Variants in CALN1 observed in about 807,000 individuals in gnomAD.
CALN1 encodes the protein calneuron 1.
Under a neutral mutation model 30.6 loss-of-function variants are expected in CALN1, and 17 were observed. That is an observed-to-expected ratio of 0.56 (90% confidence interval 0.38 to 0.83). The LOEUF (loss-of-function observed/expected upper bound fraction) is 0.83, where lower values mean the gene tolerates loss of function less well. Ranked by LOEUF, CALN1 falls within the 40% of genes least tolerant of loss-of-function variation. The pLI, the probability that CALN1 is intolerant of heterozygous loss-of-function variation, is 0.00. For synonymous variants in CALN1, 156 were observed against 131.4 expected (o/e 1.19, Z -1.28); for missense variants, 291 against 354.9 (o/e 0.82, Z 1.45).
At chr7:71,889,182 C>A (rs1793093567) in intron 5 of CALN1, among the ~76,000 whole-genome samples, 2 of 152,204 alleles carry the variant, frequency 1.3e-5, no homozygotes, top group South Asian at 4.1e-4. Flanking sequence ...ACATTTACTT[C>A]TCACAGCTCT....
chr7:72,503,203 G>C, the CALN1 span, among the ~76,000 whole-genome samples: 1 of 152,238 alleles, frequency 6.6e-6, no homozygotes, highest in Admixed American at 6.5e-5. Context: ...GTTGTTCTGC[G>C]TGTCAAATGG....
At chr7:72,227,013 G>T (rs1296720543) in intron 3 of CALN1, among the ~76,000 whole-genome samples, 1 of 152,070 alleles carries the variant, frequency 6.6e-6, no homozygotes, top group Non-Finnish European at 1.5e-5. Context: ...TCCAGCCTGG[G>T]CCACAGAGCA....
intron 3 of CALN1, among the ~76,000 whole-genome samples, chr7:72,205,551 A>AATATATATATATATATATATATATAT (rs1554319583): frequency 1.7e-4 from 14 of 82,812 alleles, no homozygotes; most frequent in Admixed American, 5.6e-4. Flanking sequence ...GCAAAAAAAA[A>AATATATATATATATATATATATATAT]ATATATATAT....
At chr7:72,119,530 C>G (rs1808232192) in intron 3 of CALN1, among the ~76,000 whole-genome samples, 1 of 150,602 alleles carries the variant, frequency 6.6e-6, no homozygotes, top group Non-Finnish European at 1.5e-5. Context: ...AAAAAAAAAC[C>G]AGAGCTAACC....
At chr7:72,099,952 C>T (rs1450685170) in intron 4 of CALN1, among the ~76,000 whole-genome samples, 1 of 151,886 alleles carries the variant, frequency 6.6e-6, no homozygotes, top group Non-Finnish European at 1.5e-5. Context: ...TCTCTTAAAC[C>T]GCATACCAGA....
intron 6 of CALN1, among the ~76,000 whole-genome samples, chr7:71,790,387 A>C (rs1469201815): frequency 8.3e-6 from 1 of 120,274 alleles, no homozygotes; most frequent in Non-Finnish European, 1.7e-5. Flanking sequence ...AAAGAAAGAA[A>C]GAAAGAAAGA....
chr7:72,094,331 T>G (rs1295382388), intron 4 of CALN1, among the ~76,000 whole-genome samples: 1 of 152,200 alleles, frequency 6.6e-6, no homozygotes, highest in Non-Finnish European at 1.5e-5. Flanking sequence ...CTCAGCTCAC[T>G]GCAACCTCTG....
chr7:72,152,459 A>G (rs926609186), intron 3 of CALN1, among the ~76,000 whole-genome samples: 4 of 152,136 alleles, frequency 2.6e-5, no homozygotes, highest in Admixed American at 6.5e-5. Context: ...CAACACATGA[A>G]AGAGATCTTT....
chr7:72,044,129 C>T (rs1292811092), intron 4 of CALN1, among the ~76,000 whole-genome samples: 1 of 151,952 alleles, frequency 6.6e-6, no homozygotes, highest in African/African-American at 2.4e-5. Context: ...CAAACCACAT[C>T]AGGTTGAATA....
At position 71,992,968 on chromosome 7, in the gene CALN1, G is replaced by C. The variant is rs78411346; in HGVS notation, c.501+30689C>G. Among the ~76,000 whole-genome samples, 49 of 152,246 alleles carry C rather than the reference G, an allele frequency of 3.2e-4. No individual in the cohort carries two copies. The East Asian group carries it at 4.8e-3, about 15-fold the overall frequency. ...AACTTACAGGGAAAAGCTGCTAGGAGATTTCTGAGAAAGAGTTCCCTTCGC... is the reference window on the plus strand; with the variant it reads ...AACTTACAGGGAAAAGCTGCTAGGACATTTCTGAGAAAGAGTTCCCTTCGC... On this transcript the variant is annotated intron_variant, in intron 5 of 6. Coordinates refer to ENST00000395275, the MANE Select transcript of CALN1 (RefSeq NM_031468.4).
At chr7:71,925,188 C>T (rs1156972256) in intron 5 of CALN1, among the ~76,000 whole-genome samples, 1 of 151,978 alleles carries the variant, frequency 6.6e-6, no homozygotes, top group African/African-American at 2.4e-5. Flanking sequence ...CTGCAGTGAG[C>T]TGAGATTGTG....
chr7:72,097,966 G>T (rs547387264), intron 4 of CALN1, among the ~76,000 whole-genome samples: 2 of 152,116 alleles, frequency 1.3e-5, no homozygotes, highest in Non-Finnish European at 2.9e-5. Context: ...CACCCGCCTC[G>T]GCCTCACAAA....
intron 6 of CALN1, among the ~76,000 whole-genome samples, chr7:71,795,858 A>C (rs1330852076): frequency 8.2e-6 from 1 of 121,602 alleles, no homozygotes; most frequent in Admixed American, 1.1e-4. Context: ...TTGCTCTGTC[A>C]CCCAGGCTGG....
chr7:72,238,139 T>C (rs927378968), intron 3 of CALN1, among the ~76,000 whole-genome samples: 10 of 152,196 alleles, frequency 6.6e-5, no homozygotes, highest in East Asian at 1.9e-4. Context: ...TTGGGAAACA[T>C]TGCAATTGTT....
chr7:71,851,585 C>T (rs542034988), intron 5 of CALN1, among the ~76,000 whole-genome samples: 2 of 151,576 alleles, frequency 1.3e-5, no homozygotes, highest in African/African-American at 2.4e-5. Context: ...TATATATTCA[C>T]TAAAAGCAAA....
intron 3 of CALN1, among the ~76,000 whole-genome samples, chr7:72,180,156 T>C (rs1789659334): frequency 6.6e-6 from 1 of 152,344 alleles, no homozygotes; most frequent in South Asian, 2.1e-4. Flanking sequence ...GGGTATCATT[T>C]AGTTTGTTCC....
At chr7:72,126,016 G>C (rs1251324008) in intron 3 of CALN1, among the ~76,000 whole-genome samples, 1 of 151,786 alleles carries the variant, frequency 6.6e-6, no homozygotes, top group East Asian at 1.9e-4. Flanking sequence ...GACCAGGCTG[G>C]CCTCAAACTC....
intron 5 of CALN1, among the ~76,000 whole-genome samples, chr7:71,945,233 G>A (rs1796345719): frequency 6.6e-6 from 1 of 152,062 alleles, no homozygotes; most frequent in South Asian, 2.1e-4. Flanking sequence ...TCAGATGTGG[G>A]TGCCATGATT....
the CALN1 span, among the ~76,000 whole-genome samples, chr7:72,494,205 C>G: frequency 6.6e-6 from 1 of 152,008 alleles, no homozygotes; most frequent in African/African-American, 2.4e-5. Flanking sequence ...ATCTGAGCCC[C>G]GTGGAACTTG....
Sources: allele counts gnomAD v4.1 joint callset (sites outside exome capture counted in the v4.1 genomes callset), GRCh38; gene constraint gnomAD v4.1.1; transcripts MANE v1.5; gene names NCBI Gene and HGNC (gene_info 2026-07-23, HGNC 2026-07-21).